LUZP2: variants seen among roughly 807,000 people sequenced by gnomAD.
LUZP2 encodes the protein leucine zipper protein 2.
LUZP2 carries 52 observed loss-of-function variants against 51.6 expected under a neutral mutation model. That is an observed-to-expected ratio of 1.01 (90% CI 0.81 to 1.27). LUZP2 has a LOEUF of 1.27. LUZP2 is among the 50% of genes most tolerant of loss of function. The probability of loss-of-function intolerance (pLI) is 0.00; values close to 1 mark genes in which losing one functional copy is unlikely to be tolerated. For synonymous variants in LUZP2, 154 were observed against 137.3 expected, an observed-to-expected ratio of 1.12 and a Z score of -0.85; for missense variants, 436 against 395.4, an observed-to-expected ratio of 1.10 and a Z score of -0.87.
chr11:24,988,129 A>G (rs1243545303), intron 9 of LUZP2, among the ~76,000 whole-genome samples: 1 of 151,990 alleles, frequency 6.6e-6, no homozygotes, highest in Non-Finnish European at 1.5e-5. Context: ...AGAGGTGATC[A>G]ATTTTAAACA....
At chr11:25,049,169 G>A (rs530349585) in intron 9 of LUZP2, among the ~76,000 whole-genome samples, 1 of 152,076 alleles carries the variant, frequency 6.6e-6, no homozygotes, top group Non-Finnish European at 1.5e-5. Context: ...AGTTTTCCTC[G>A]ACCCCTAATG....
At chr11:24,551,645 C>A (rs1480883381) in intron 1 of LUZP2, among the ~76,000 whole-genome samples, 1 of 151,616 alleles carries the variant, frequency 6.6e-6, no homozygotes, top group Non-Finnish European at 1.5e-5. Flanking sequence ...GCAACAAAAA[C>A]AAAATATATC....
At chr11:24,572,141 C>G (rs758879451) in intron 1 of LUZP2, among the ~76,000 whole-genome samples, 1 of 151,812 alleles carries the variant, frequency 6.6e-6, no homozygotes, top group Non-Finnish European at 1.5e-5. Flanking sequence ...TGATGTCAGG[C>G]CATCATGCTT....
intron 10 of LUZP2, among the ~76,000 whole-genome samples, chr11:25,066,946 G>A (rs2134049286): frequency 6.6e-6 from 1 of 152,048 alleles, no homozygotes; most frequent in South Asian, 2.1e-4. Flanking sequence ...AAAATCCTCT[G>A]AGTTGAGACA....
At chr11:24,634,579 A>G (rs1283581605) in intron 1 of LUZP2, among the ~76,000 whole-genome samples, 1 of 151,478 alleles carries the variant, frequency 6.6e-6, no homozygotes, top group African/African-American at 2.4e-5. Context: ...AAGTTCTCCT[A>G]GTGTTTTGCA....
chr11:24,535,213 C>T (rs1851140216), intron 1 of LUZP2, among the ~76,000 whole-genome samples: 1 of 151,124 alleles, frequency 6.6e-6, no homozygotes, highest in Admixed American at 6.6e-5. Flanking sequence ...GAAAGTTTTA[C>T]CTCAATGTTG....
At chr11:24,730,443 A>G (rs529902545) in intron 2 of LUZP2, among the ~76,000 whole-genome samples, 2 of 151,860 alleles carry the variant, frequency 1.3e-5, no homozygotes, top group South Asian at 2.1e-4. Context: ...AGTAGGACAC[A>G]GAGATGGTAT....
chr11:24,752,248 T>C (rs1295911953), intron 4 of LUZP2, among the ~76,000 whole-genome samples: 1 of 152,118 alleles, frequency 6.6e-6, no homozygotes, highest in African/African-American at 2.4e-5. Context: ...AAAGAACAGG[T>C]CACCCACAAA....
chr11:24,802,629 G>A (rs1849727734), intron 5 of LUZP2, among the ~76,000 whole-genome samples: 1 of 151,756 alleles, frequency 6.6e-6, no homozygotes, highest in African/African-American at 2.4e-5. Flanking sequence ...CTGAAACTCT[G>A]TGCCTATTGA....
intron 7 of LUZP2, among the ~76,000 whole-genome samples, chr11:24,967,992 T>C (rs897385704): frequency 1.3e-5 from 2 of 152,174 alleles, no homozygotes; most frequent in African/African-American, 4.8e-5. Flanking sequence ...ATATTTTTAA[T>C]TGTTGTTCTA....
intron 5 of LUZP2, among the ~76,000 whole-genome samples, chr11:24,869,495 C>T (rs757155904): frequency 1.3e-5 from 2 of 151,944 alleles, no homozygotes; most frequent in African/African-American, 2.4e-5. Context: ...CTCCCTCTGT[C>T]GCCGAGGCTG....
At chr11:25,024,537 C>T (rs1478582485) in intron 9 of LUZP2, among the ~76,000 whole-genome samples, 21 of 152,064 alleles carry the variant, frequency 1.4e-4, no homozygotes, top group Admixed American at 1.1e-3. Flanking sequence ...TGAGTGAATT[C>T]CCATTTACAA....
rs139340340 is a variant in LUZP2, at chr11:24,920,189, A to G, written c.522+5651A>G. Among the ~76,000 whole-genome samples, 25 of 152,092 alleles carry G rather than the reference A, an allele frequency of 1.6e-4. No homozygotes were observed. In the East Asian group the frequency reaches 3.7e-3, roughly 22 times the overall value. On this transcript the variant is annotated intron_variant, in intron 7 of 11. Transcript: ENST00000336930. ...CTTCTCTGTTGAGATACATAATGGC[A>G]GACATTTTGATAGTTTTGTGATTGT... is the stretch of plus-strand genomic sequence containing the variant.
chr11:24,802,680 A>C (rs1346260113), intron 5 of LUZP2, among the ~76,000 whole-genome samples: 1 of 151,900 alleles, frequency 6.6e-6, no homozygotes, highest in Non-Finnish European at 1.5e-5. Flanking sequence ...GGGCCCTGGC[A>C]ACAACCACTC....
intron 7 of LUZP2, among the ~76,000 whole-genome samples, chr11:24,962,614 A>G (rs1855449054): frequency 1.3e-5 from 2 of 152,192 alleles, no homozygotes; most frequent in South Asian, 4.1e-4. Flanking sequence ...TTTCAGCTCC[A>G]TCAGCTCCTT....
At chr11:24,933,635 A>G (rs1854515461) in intron 7 of LUZP2, among the ~76,000 whole-genome samples, 1 of 152,212 alleles carries the variant, frequency 6.6e-6, no homozygotes, top group Non-Finnish European at 1.5e-5. Flanking sequence ...GTTCATAATG[A>G]TTATAGATTT....
chr11:24,896,401 G>A (rs1476344148), intron 5 of LUZP2, among the ~76,000 whole-genome samples: 4 of 152,178 alleles, frequency 2.6e-5, no homozygotes, highest in African/African-American at 7.2e-5. Flanking sequence ...GGCCGGCGAT[G>A]CCAGCTCCAG....
At chr11:24,921,861 T>C (rs1209943640) in intron 7 of LUZP2, among the ~76,000 whole-genome samples, 1 of 152,110 alleles carries the variant, frequency 6.6e-6, no homozygotes, top group Non-Finnish European at 1.5e-5. Flanking sequence ...TTAGCGTTTT[T>C]ACTTTACTCA....
intron 9 of LUZP2, among the ~76,000 whole-genome samples, chr11:25,028,378 T>C (rs1213048404): frequency 6.6e-6 from 1 of 152,164 alleles, no homozygotes; most frequent in Non-Finnish European, 1.5e-5. Context: ...TCCCAGCTTA[T>C]GGGAACCATC....
Sources: gnomAD v4.1 joint callset for allele counts (sites outside exome capture counted in the v4.1 genomes callset) on GRCh38, gnomAD v4.1.1 for gene constraint, MANE v1.5 for transcripts, NCBI Gene and HGNC (gene_info 2026-07-23, HGNC 2026-07-21) for gene names.